SLC9A9: variants seen among roughly 807,000 people sequenced by gnomAD.
SLC9A9 encodes solute carrier family 9 member A9.
In SLC9A9, 62 loss-of-function variants were observed where a neutral mutation model predicts 77.8. The observed-to-expected ratio is 0.80, with a 90% CI of 0.65 to 0.98. The LOEUF (loss-of-function observed/expected upper bound fraction) is 0.98. Ranked by LOEUF, SLC9A9 falls within the 50% of genes least tolerant of loss-of-function variation. SLC9A9 has a pLI of 0.00. For synonymous variants in SLC9A9, 320 were observed against 283.5 expected, an observed-to-expected ratio of 1.13 and a Z score of -1.29; for missense variants, 775 against 774.9, an observed-to-expected ratio of 1.00 and a Z score of 0.00.
intron 9 of SLC9A9, among the ~76,000 whole-genome samples, chr3:143,519,902 T>C (rs1402505673): frequency 6.6e-6 from 1 of 152,134 alleles, no homozygotes; most frequent in Non-Finnish European, 1.5e-5. Context: ...AATGCTTGAA[T>C]AGGCGTTTGG....
At chr3:143,703,266 A>G (rs930660583) in intron 4 of SLC9A9, among the ~76,000 whole-genome samples, 2 of 152,144 alleles carry the variant, frequency 1.3e-5, no homozygotes, top group African/African-American at 4.8e-5. Flanking sequence ...AAGAATACAC[A>G]TTATTTTGCT....
rs115832577 is a variant in SLC9A9 at position 143,803,349 on chromosome 3, C to G, written c.379-6446G>C. ...TTCATCCTTATCCTACTTTTTGCAA[C>G]AGGGCTTTATGCAGTCACCCCCACT... On this transcript the variant is annotated intron_variant, in intron 2 of 15. Transcript: ENST00000316549. 6.4e-3 allele frequency among the ~76,000 whole-genome samples: 971 copies of G among 152,292 alleles called. 3 individuals are homozygous for G. Among genetic ancestry groups the G allele is most frequent in the South Asian group, 0.025 (120 of 4,826 alleles).
intron 9 of SLC9A9, among the ~76,000 whole-genome samples, chr3:143,498,047 G>A (rs2035866280): frequency 1.3e-5 from 2 of 152,054 alleles, no homozygotes; most frequent in Admixed American, 1.3e-4. Context: ...ATTTGTTTTA[G>A]TGATTTGCTT....
At chr3:143,544,487 A>C (rs2108632833) in intron 9 of SLC9A9, among the ~76,000 whole-genome samples, 1 of 152,194 alleles carries the variant, frequency 6.6e-6, no homozygotes, top group South Asian at 2.1e-4. Context: ...TCGGCCTTCC[A>C]AAGTGCCCTT....
At chr3:143,537,881 T>C (rs558362317) in intron 9 of SLC9A9, among the ~76,000 whole-genome samples, 5 of 152,212 alleles carry the variant, frequency 3.3e-5, no homozygotes, top group African/African-American at 9.6e-5. Flanking sequence ...TACATCAAAC[T>C]CCTTTCCATT....
At chr3:143,671,550 G>T (rs2039153555) in intron 5 of SLC9A9, among the ~76,000 whole-genome samples, 1 of 152,282 alleles carries the variant, frequency 6.6e-6, no homozygotes, top group African/African-American at 2.4e-5. Context: ...CTCTTTGAAA[G>T]AGTCAAACAA....
At chr3:143,322,510 G>A (rs890854983) in intron 14 of SLC9A9, among the ~76,000 whole-genome samples, 3 of 152,050 alleles carry the variant, frequency 2.0e-5, no homozygotes, top group African/African-American at 7.2e-5. Context: ...CATAACTACT[G>A]CATGAGCCCA....
intron 6 of SLC9A9, among the ~76,000 whole-genome samples, chr3:143,613,681 C>T (rs550353922): frequency 1.4e-4 from 21 of 151,512 alleles, no homozygotes; most frequent in Non-Finnish European, 2.9e-4. Flanking sequence ...CTTTTAAACA[C>T]GGAGTACATG....
At position 143,464,874 on chromosome 3, in the gene SLC9A9, T is replaced by C. The variant is rs1467116463; in HGVS notation, c.1469+2163A>G. ...CCTGTATCTATCTGTCTGGGTTTAC[T>C]TCCTGGGTGCCCACAAATCTATGAA... On this transcript the variant is annotated intron_variant, in intron 12 of 15. Coordinates refer to ENST00000316549, the MANE Select transcript of SLC9A9 (RefSeq NM_173653.4). 2.6e-5 allele frequency among the ~76,000 whole-genome samples: 4 copies of C among 152,238 alleles called. No individual in the cohort carries two copies. The East Asian group carries it at 7.7e-4, about 29-fold the overall frequency.
chr3:143,309,361 T>C (rs561695229), intron 14 of SLC9A9, among the ~76,000 whole-genome samples: 1 of 151,686 alleles, frequency 6.6e-6, no homozygotes, highest in South Asian at 2.1e-4. Flanking sequence ...CGTACCTTTA[T>C]GATTGTGCTT....
At chr3:143,761,508 C>A (rs1194573430) in intron 4 of SLC9A9, among the ~76,000 whole-genome samples, 4 of 152,126 alleles carry the variant, frequency 2.6e-5, no homozygotes, top group African/African-American at 9.7e-5. Context: ...AAAAAACAAA[C>A]AACCCCATCA....
intron 6 of SLC9A9, among the ~76,000 whole-genome samples, chr3:143,603,790 C>G (rs974705965): frequency 1.3e-5 from 2 of 152,202 alleles, no homozygotes; most frequent in Admixed American, 6.5e-5. Context: ...TACTTAGGCT[C>G]TACCTTTGTT....
intron 1 of SLC9A9, among the ~76,000 whole-genome samples, chr3:143,843,550 A>G (rs1404679346): frequency 6.6e-6 from 1 of 152,178 alleles, no homozygotes; most frequent in African/African-American, 2.4e-5. Context: ...TTATGTGCCC[A>G]CTAAACAGTG....
At chr3:143,274,515 C>T (rs1440101798) in intron 14 of SLC9A9, among the ~76,000 whole-genome samples, 1 of 152,066 alleles carries the variant, frequency 6.6e-6, no homozygotes, top group Non-Finnish European at 1.5e-5. Context: ...GTAGCATTTC[C>T]CAATTTCCAT....
intron 14 of SLC9A9, among the ~76,000 whole-genome samples, chr3:143,306,005 C>T (rs1399173603): frequency 6.6e-6 from 1 of 152,118 alleles, no homozygotes; most frequent in Non-Finnish European, 1.5e-5. Context: ...AGATTATGAA[C>T]ATTTGATTTT....
chr3:143,350,944 T>C (rs534368894), intron 14 of SLC9A9, among the ~76,000 whole-genome samples: 19 of 152,312 alleles, frequency 1.2e-4, no homozygotes, highest in Middle Eastern at 3.4e-3. Flanking sequence ...CTGTTAACTT[T>C]TCCAAAATAA....
intron 4 of SLC9A9, 115 bp downstream of exon 4, chr3:143,794,871 CATACAAATATGTGAT>C (rs1560082727): frequency 1.2e-6 from 1 of 829,782 alleles, no homozygotes; most frequent in Non-Finnish European, 2.0e-6. Context: ...TCAGAAAAAA[CATACAAATATGTGAT>C]ATACTAAAAA....
At chr3:143,566,670 C>T (rs2037174773) in intron 8 of SLC9A9, among the ~76,000 whole-genome samples, 1 of 152,064 alleles carries the variant, frequency 6.6e-6, no homozygotes, top group African/African-American at 2.4e-5. Context: ...GCACTCTTCC[C>T]CCTCCTCTGC....
intron 4 of SLC9A9, among the ~76,000 whole-genome samples, chr3:143,699,280 G>T (rs998889268): frequency 6.6e-6 from 1 of 152,054 alleles, no homozygotes; most frequent in Admixed American, 6.6e-5. Flanking sequence ...AGAACAGAAG[G>T]CTCCAGTGAT....
Sources: gnomAD v4.1 joint callset for allele counts (sites outside exome capture counted in the v4.1 genomes callset) on GRCh38, gnomAD v4.1.1 for gene constraint, MANE v1.5 for transcripts, NCBI Gene and HGNC (gene_info 2026-07-23, HGNC 2026-07-21) for gene names.